The following HS3ST3A1 variants were observed in gnomAD, a reference collection of about 807,000 sequenced individuals.
HS3ST3A1 encodes the protein heparan sulfate glucosamine 3-O-sulfotransferase 3A1.
Under a neutral mutation model 25.7 loss-of-function variants are expected in HS3ST3A1, and 19 were observed. That is an observed-to-expected ratio of 0.74 (90% confidence interval 0.52 to 1.08). HS3ST3A1 has a LOEUF of 1.08. Ranked by LOEUF, HS3ST3A1 falls within the 50% of genes least tolerant of loss-of-function variation. The pLI is 0.00. For synonymous variants in HS3ST3A1, 226 were observed against 278.6 expected (o/e 0.81, Z 1.88); for missense variants, 459 against 594.3 (o/e 0.77, Z 2.37).
chr17:13,540,546 T>A (rs547920736), intron 1 of HS3ST3A1, among the ~76,000 whole-genome samples: 25 of 152,356 alleles, frequency 1.6e-4, no homozygotes, highest in African/African-American at 6.0e-4. Flanking sequence ...CAAAGACTTT[T>A]AAGTGCTCCT....
intron 1 of HS3ST3A1, among the ~76,000 whole-genome samples, chr17:13,549,719 T>C (rs1443519593): frequency 6.6e-6 from 1 of 152,162 alleles, no homozygotes; most frequent in Non-Finnish European, 1.5e-5. Flanking sequence ...CTTAACATGG[T>C]TCCATGCCGA....
chr17:13,498,251 C>A (rs1171318843), intron 1 of HS3ST3A1, among the ~76,000 whole-genome samples: 1 of 152,120 alleles, frequency 6.6e-6, no homozygotes. Context: ...TCTGATGGCC[C>A]CGATACTTCC....
intron 1 of HS3ST3A1, among the ~76,000 whole-genome samples, chr17:13,590,367 A>C (rs1465062139): frequency 1.3e-5 from 2 of 151,998 alleles, no homozygotes; most frequent in Non-Finnish European, 2.9e-5. Context: ...GGTTCCATTC[A>C]AAAAAATATT....
chr17:13,576,271 T>C (rs1728733804), intron 1 of HS3ST3A1, among the ~76,000 whole-genome samples: 1 of 152,208 alleles, frequency 6.6e-6, no homozygotes, highest in African/African-American at 2.4e-5. Flanking sequence ...AGTGTATCTC[T>C]TGCGATCACA....
chr17:13,557,646 AT>A (rs1371746697), intron 1 of HS3ST3A1, among the ~76,000 whole-genome samples: 4 of 152,218 alleles, frequency 2.6e-5, no homozygotes, highest in African/African-American at 7.2e-5. Context: ...AGGTGAACTC[AT>A]TCAAAGAAAC....
chr17:13,572,743 A>G (rs1310155722), intron 1 of HS3ST3A1, among the ~76,000 whole-genome samples: 1 of 152,202 alleles, frequency 6.6e-6, no homozygotes, highest in Non-Finnish European at 1.5e-5. Context: ...TTCAACAGCT[A>G]TTTTCTGAGT....
chr17:13,541,820 T>C (rs1282808499), intron 1 of HS3ST3A1, among the ~76,000 whole-genome samples: 1 of 152,154 alleles, frequency 6.6e-6, no homozygotes, highest in Non-Finnish European at 1.5e-5. Context: ...GTTCAGATGG[T>C]TCACACACCT....
In HS3ST3A1 at chr17:13,496,036, TTATACATTAAGATGGG is replaced by T; in HGVS notation, c.*145_*160del. Reference sequence around the variant, plus strand: ...TGTTGATCCACGTGTTTGGTGTTGGTTATACATTAAGATGGGGCGGGAGTGAGAACAATCTCTTAAC... The same window carrying T: ...TGTTGATCCACGTGTTTGGTGTTGGTGCGGGAGTGAGAACAATCTCTTAAC... On this transcript the variant is annotated 3_prime_UTR_variant, in exon 2 of 2. Coordinates refer to ENST00000284110, the MANE Select transcript of HS3ST3A1 (RefSeq NM_006042.3). 1 of 858,340 alleles carries T rather than the reference TTATACATTAAGATGGG, an allele frequency of 1.2e-6. No homozygotes were observed. The highest frequency in any genetic ancestry group is 2.9e-5 in the East Asian group (1 of 34,808). 53.2% of individuals were successfully genotyped at this position (858,340 alleles called of 1,614,324 possible).
At chr17:13,544,092 C>T (rs909048826) in intron 1 of HS3ST3A1, among the ~76,000 whole-genome samples, 29 of 152,130 alleles carry the variant, frequency 1.9e-4, no homozygotes, top group Non-Finnish European at 3.4e-4. Context: ...CCATTGGTGT[C>T]ATCAAATGAA....
chr17:13,532,062 T>C (rs1318373083), intron 1 of HS3ST3A1, among the ~76,000 whole-genome samples: 2 of 152,164 alleles, frequency 1.3e-5, no homozygotes, highest in Non-Finnish European at 2.9e-5. Context: ...TAGCGGCTGG[T>C]AGTTAGAGCT....
intron 1 of HS3ST3A1, among the ~76,000 whole-genome samples, chr17:13,560,319 A>AAAAAAAAAAAT (rs1907502490): frequency 1.4e-5 from 2 of 143,920 alleles, no homozygotes; most frequent in African/African-American, 5.3e-5. Flanking sequence ...AAAAAAAAAA[A>AAAAAAAAAAAT]GTGTATTACC....
At chr17:13,569,647 C>T (rs1457184974) in intron 1 of HS3ST3A1, among the ~76,000 whole-genome samples, 4 of 152,144 alleles carry the variant, frequency 2.6e-5, no homozygotes, top group Admixed American at 6.5e-5. Flanking sequence ...CAACCAGTAG[C>T]GATTTTTCAG....
At chr17:13,516,142 C>T (rs1419354158) in intron 1 of HS3ST3A1, among the ~76,000 whole-genome samples, 1 of 151,998 alleles carries the variant, frequency 6.6e-6, no homozygotes, top group Non-Finnish European at 1.5e-5. Context: ...AAGCCCGTTG[C>T]TACTAAAAAT....
chr17:13,528,056 A>G (rs1043803953), intron 1 of HS3ST3A1, among the ~76,000 whole-genome samples: 16 of 152,132 alleles, frequency 1.1e-4, no homozygotes, highest in African/African-American at 3.9e-4. Context: ...GATCCGTGTC[A>G]TCGGAAAGAA....
chr17:13,540,138 C>T (rs770738868), intron 1 of HS3ST3A1, among the ~76,000 whole-genome samples: 11 of 152,230 alleles, frequency 7.2e-5, no homozygotes, highest in Middle Eastern at 3.4e-3. Context: ...AGAAAGTAAA[C>T]GATTTCTTTC....
chr17:13,518,985 C>A (rs1057411245), intron 1 of HS3ST3A1, among the ~76,000 whole-genome samples: 1 of 152,074 alleles, frequency 6.6e-6, no homozygotes, highest in African/African-American at 2.4e-5. Context: ...ATTATTTTAG[C>A]CCTAGATAAC....
chr17:13,499,670 G>C (rs144936304), intron 1 of HS3ST3A1, among the ~76,000 whole-genome samples: 1 of 152,010 alleles, frequency 6.6e-6, no homozygotes, highest in Admixed American at 6.6e-5. Flanking sequence ...TATAGATTGC[G>C]CTGGGCCAGA....
At chr17:13,504,740 G>T (rs1223865058) in intron 1 of HS3ST3A1, among the ~76,000 whole-genome samples, 1 of 152,180 alleles carries the variant, frequency 6.6e-6, no homozygotes, top group Non-Finnish European at 1.5e-5. Flanking sequence ...AGCCCACTAT[G>T]TTTCCAATTT....
At chr17:13,584,040 T>C (rs1908183373) in intron 1 of HS3ST3A1, among the ~76,000 whole-genome samples, 1 of 152,218 alleles carries the variant, frequency 6.6e-6, no homozygotes, top group Non-Finnish European at 1.5e-5. Context: ...TACCTGGATT[T>C]TATGTGCTAT....
Sources: gnomAD v4.1 joint callset for allele counts (sites outside exome capture counted in the v4.1 genomes callset) on GRCh38, gnomAD v4.1.1 for gene constraint, MANE v1.5 for transcripts, NCBI Gene and HGNC (gene_info 2026-07-23, HGNC 2026-07-21) for gene names.